The following PRKD3 variants were observed in gnomAD, a reference collection of about 807,000 sequenced individuals.
PRKD3 encodes protein kinase D3.
Under a neutral mutation model 99.2 loss-of-function variants are expected in PRKD3, and 47 were observed. That is an observed-to-expected ratio of 0.47 (90% CI 0.38 to 0.60). The LOEUF (loss-of-function observed/expected upper bound fraction) is 0.60, where lower values mean the gene tolerates loss of function less well. Ranked by LOEUF, PRKD3 falls within the 20% of genes least tolerant of loss-of-function variation. The pLI is 0.00. For synonymous variants in PRKD3, 392 were observed against 355.4 expected (o/e 1.10, Z -1.16); for missense variants, 1,019 against 1,088.4 (o/e 0.94, Z 0.90).
chr2:37,308,537 C>G (rs1671268991), intron 2 of PRKD3, among the ~76,000 whole-genome samples: 1 of 149,202 alleles, frequency 6.7e-6, no homozygotes, highest in Admixed American at 6.7e-5. Flanking sequence ...ACCCACCTCC[C>G]TCCCCACCCA....
intron 11 of PRKD3, among the ~76,000 whole-genome samples, chr2:37,273,577 T>G (rs1414355210): frequency 6.6e-6 from 1 of 152,264 alleles, no homozygotes; most frequent in Non-Finnish European, 1.5e-5. Flanking sequence ...TGCTACCATC[T>G]AATACCTTTA....
intron 2 of PRKD3, among the ~76,000 whole-genome samples, chr2:37,311,230 G>A (rs1056856840): frequency 6.6e-6 from 1 of 152,134 alleles, no homozygotes; most frequent in Non-Finnish European, 1.5e-5. Flanking sequence ...GTGATGGCAA[G>A]CAAAAAGTAG....
intron 2 of PRKD3, among the ~76,000 whole-genome samples, chr2:37,307,726 A>G (rs1671224577): frequency 1.3e-5 from 2 of 152,232 alleles, no homozygotes; most frequent in Admixed American, 6.5e-5. Context: ...TATGCTAACA[A>G]CAACAACAAC....
chr2:37,269,739 C>A, intron 12 of PRKD3, 52 bp from the exon 13 acceptor site: 1 of 1,282,902 alleles, frequency 7.8e-7, no homozygotes, highest in South Asian at 1.3e-5. Context: ...AATACAATGT[C>A]AACATCTCTG....
At chr2:37,296,568 G>C (rs1370973054) in intron 2 of PRKD3, among the ~76,000 whole-genome samples, 1 of 152,020 alleles carries the variant, frequency 6.6e-6, no homozygotes, top group Admixed American at 6.5e-5. Flanking sequence ...TCGTGATTAT[G>C]ATTTATAGGT....
At chr2:37,255,712 A>C (rs1252404436) in intron 17 of PRKD3, among the ~76,000 whole-genome samples, 1 of 152,212 alleles carries the variant, frequency 6.6e-6, no homozygotes, top group Non-Finnish European at 1.5e-5. Context: ...TGAATACTTA[A>C]GAAAAAAATG....
At chr2:37,253,412 T>A in intron 18 of PRKD3, 62 bp from the exon 19 acceptor site, 1 of 1,444,898 alleles carries the variant, frequency 6.9e-7, no homozygotes, top group Non-Finnish European at 9.3e-7. Context: ...AACCTGGTTT[T>A]TGTTTTGTGT....
chr2:37,275,676 T>C (rs2148541943), intron 10 of PRKD3, 91 bp downstream of exon 10: 3 of 1,357,788 alleles, frequency 2.2e-6, no homozygotes, highest in Non-Finnish European at 2.9e-6. Flanking sequence ...GCTAGAGTCA[T>C]ATATATTCAA....
intron 14 of PRKD3, 76 bp from the exon 15 acceptor site, chr2:37,260,460 T>G: frequency 1.5e-6 from 2 of 1,308,084 alleles, no homozygotes; most frequent in South Asian, 1.3e-5. Flanking sequence ...GTGCTATGAT[T>G]GTCTGAAATG....
intron 14 of PRKD3, among the ~76,000 whole-genome samples, chr2:37,265,655 G>T (rs1003852403): frequency 4.6e-5 from 7 of 152,154 alleles, no homozygotes; most frequent in Admixed American, 4.6e-4. Flanking sequence ...ACACCACAAG[G>T]AAAGCCAAAT....
At position 37,274,717 on chromosome 2, in the gene PRKD3, A is replaced by G. The variant is rs1187618962; in HGVS notation, c.1375-20T>C. 6.3e-7 allele frequency: 1 copy of G among 1,599,494 alleles called. No individual in the cohort carries two copies. The highest frequency in any genetic ancestry group is 1.3e-5 in the African/African-American group (1 of 74,454). The stretch of plus-strand genomic sequence containing the variant: ...AATTTCCTGAAGTAAAAAATTAAGC[A>G]TTGAAAAATAAGAATAGATCTTTGT... On this transcript the variant is annotated intron_variant, in intron 10 of 18. Transcript: ENST00000234179.
chr2:37,316,968 T>C lies in PRKD3; in HGVS notation c.-444A>G. 1.0e-6 allele frequency: 1 copy of C among 990,346 alleles called. No homozygotes were observed. Among genetic ancestry groups the C allele is most frequent in the Non-Finnish European group, 1.2e-6 (1 of 833,128 alleles). The allele number at this position is 990,346 out of a possible 1,614,324, so 61.3% of individuals were successfully genotyped here. A position where few individuals can be genotyped will look rare whatever the true frequency, so the allele number is the denominator to read the frequency against. ...AAACAGTAAGTGTTTTGGATTAATC[T>C]ATTCAGTACTTTTCCTTTGGTTTAC... On this transcript the variant is annotated 5_prime_UTR_variant, in exon 2 of 19. It adds an upstream start codon to the 5' untranslated region. Transcript: ENST00000234179.
chr2:37,263,313 G>C (rs1228700965), intron 14 of PRKD3, among the ~76,000 whole-genome samples: 3 of 152,118 alleles, frequency 2.0e-5, no homozygotes, highest in African/African-American at 4.8e-5. Flanking sequence ...CTTGTTTTCT[G>C]ATTTTGTAAT....
chr2:37,285,788 T>C (rs1010335829), intron 6 of PRKD3, among the ~76,000 whole-genome samples: 9 of 152,166 alleles, frequency 5.9e-5, no homozygotes, highest in African/African-American at 2.2e-4. Context: ...GCAAGTTACC[T>C]AATCTATGTC....
At chr2:37,283,164 A>T (rs1669933421) in intron 6 of PRKD3, among the ~76,000 whole-genome samples, 2 of 152,238 alleles carry the variant, frequency 1.3e-5, no homozygotes, top group Non-Finnish European at 2.9e-5. Context: ...TGTCAGGTAC[A>T]ATCTGTCCAA....
Position 37,301,286 on chromosome 2 carries a change from A to C in PRKD3, c.289-8015T>G, listed in dbSNP as rs182140610. 4.6e-5 allele frequency among the ~76,000 whole-genome samples: 7 copies of C among 152,348 alleles called. No individual in the cohort carries two copies. In the East Asian group the frequency reaches 1.3e-3, roughly 29 times the overall value. The stretch of plus-strand genomic sequence containing the variant: ...TTCTCAAAATGATTTGACAGCAGTG[A>C]AACCTAAGAGAGCTTTTAAGATAAT... On this transcript the variant is annotated intron_variant, in intron 2 of 18. Coordinates refer to ENST00000234179, the MANE Select transcript of PRKD3 (RefSeq NM_005813.6).
At chr2:37,267,562 G>C (rs764579086) in intron 13 of PRKD3, 26 bp from the exon 14 acceptor site, 18 of 1,505,338 alleles carry the variant, frequency 1.2e-5, no homozygotes, top group Middle Eastern at 3.4e-4. Flanking sequence ...GAAGAGGAAC[G>C]AATGAAGCAA....
At chr2:37,274,837 G>A (rs1288617342) in intron 10 of PRKD3, 140 bp from the exon 11 acceptor site, 1 of 838,842 alleles carries the variant, frequency 1.2e-6, no homozygotes, top group African/African-American at 1.7e-5. Flanking sequence ...ACACAGTTGA[G>A]TCTTATGACA....
At chr2:37,284,635 G>A (rs1400616583) in intron 6 of PRKD3, among the ~76,000 whole-genome samples, 1 of 152,094 alleles carries the variant, frequency 6.6e-6, no homozygotes. Flanking sequence ...AATTTATGTA[G>A]TAACTCATAT....
Sources: allele counts gnomAD v4.1 joint callset (sites outside exome capture counted in the v4.1 genomes callset), GRCh38; gene constraint gnomAD v4.1.1; transcripts MANE v1.5; gene names NCBI Gene and HGNC (gene_info 2026-07-23, HGNC 2026-07-21).